Variants in PCDHGA1 observed in about 807,000 individuals in gnomAD.
PCDHGA1 encodes protocadherin gamma subfamily A, 1.
A neutral mutation model predicts 58.0 loss-of-function variants in PCDHGA1; 32 were observed. The ratio of observed to expected loss-of-function variants is 0.55; its 90% CI spans 0.42 to 0.74. The LOEUF (loss-of-function observed/expected upper bound fraction) is 0.74. Among genes scored for constraint, PCDHGA1 ranks in the 30% least tolerant of loss-of-function variants. PCDHGA1 has a pLI of 0.00. For missense variants in PCDHGA1, 1,205 were observed against 1,182.3 expected (o/e 1.02, Z -0.28); for synonymous variants, 498 against 501.1 (o/e 0.99, Z 0.08).
chr5:141,395,310 A>G (rs752171326), intron 1 of PCDHGA1: 7 of 1,502,410 alleles, frequency 4.7e-6, no homozygotes. Context: ...TTTGAAAAAC[A>G]TTGTGAAGAT....
At chr5:141,426,657 A>G (rs1369635444) in intron 1 of PCDHGA1, 2 of 425,278 alleles carry the variant, frequency 4.7e-6, no homozygotes, top group Non-Finnish European at 9.7e-6. Flanking sequence ...GATAGAAGAT[A>G]TAAATGATAA....
chr5:141,340,656 T>C (rs1235268977), intron 1 of PCDHGA1: 1 of 1,614,154 alleles, frequency 6.2e-7, no homozygotes, highest in African/African-American at 1.3e-5. Flanking sequence ...GCGCCCGAGA[T>C]CCTGTACCCT....
chr5:141,477,749 C>A lies in PCDHGA1; in HGVS notation c.2422-17058C>A, dbSNP rs2099417192. The A allele has an allele frequency of 6.2e-7, 1 of 1,613,786 alleles. No homozygotes were observed. Among genetic ancestry groups the A allele is most frequent in the African/African-American group, 1.3e-5 (1 of 74,928 alleles). ...AGCTCATATCAGCGATGGGGGCACCCCGGTCCTAGCCACCAACATCAGCGT... is the reference window on the plus strand; with the variant it reads ...AGCTCATATCAGCGATGGGGGCACCACGGTCCTAGCCACCAACATCAGCGT... On this transcript the variant is annotated intron_variant, in intron 1 of 3. Coordinates refer to ENST00000517417, the MANE Select transcript of PCDHGA1 (RefSeq NM_018912.3). This position sits in a 1 kb window ranked among gnomAD's most constrained non-coding sequence, Gnocchi z 4.9.
chr5:141,431,008 C>T lies in PCDHGA1; in HGVS notation c.2422-63799C>T. The T allele has an allele frequency of 6.2e-7, 1 of 1,614,118 alleles. No individual in the cohort carries two copies. The highest frequency in any genetic ancestry group is 1.1e-5 in the South Asian group (1 of 91,076). ...TCGCCCTGAATCCGCGCAGCGGCAG[C>T]TTGGTCACGGCGGGCAGGATAGACC... On this transcript the variant is annotated intron_variant, in intron 1 of 3. Transcript: ENST00000517417. This position sits in a 1 kb window ranked among gnomAD's most constrained non-coding sequence, Gnocchi z 4.8.
intron 1 of PCDHGA1, chr5:141,343,862 G>A: frequency 1.8e-6 from 1 of 563,896 alleles, no homozygotes. Context: ...CAAAGAACCA[G>A]CAAATCAGAC....
intron 1 of PCDHGA1, chr5:141,351,309 A>C: frequency 6.2e-7 from 1 of 1,613,942 alleles, no homozygotes; most frequent in Non-Finnish European, 8.5e-7. Context: ...TCCTTCTCTA[A>C]CCAGATTCCA....
chr5:141,392,962 A>G, intron 1 of PCDHGA1: 1 of 1,613,902 alleles, frequency 6.2e-7, no homozygotes, highest in Admixed American at 1.7e-5. Context: ...AATATCTCCA[A>G]GGACCTGGGG....
intron 1 of PCDHGA1, chr5:141,370,293 C>A: frequency 9.3e-7 from 1 of 1,074,278 alleles, no homozygotes; most frequent in Non-Finnish European, 1.3e-6. Flanking sequence ...AGAACCCAAG[C>A]ACAAAGACAA....
intron 1 of PCDHGA1, among the ~76,000 whole-genome samples, chr5:141,380,589 G>C (rs1372737584): frequency 6.6e-6 from 1 of 152,156 alleles, no homozygotes; most frequent in South Asian, 2.1e-4. Flanking sequence ...GTCTAGTAAA[G>C]ATCTTTAATA....
intron 1 of PCDHGA1, among the ~76,000 whole-genome samples, chr5:141,380,689 C>T (rs570719600): frequency 4.4e-4 from 67 of 152,288 alleles, no homozygotes; most frequent in South Asian, 2.9e-3. Flanking sequence ...GCTTTGTGTT[C>T]GGAGTAGTCT....
At chr5:141,427,164 C>T (rs1171285271) in intron 1 of PCDHGA1, 1 of 456,682 alleles carries the variant, frequency 2.2e-6, no homozygotes, top group Non-Finnish European at 4.4e-6. Context: ...TGTGCTAGAC[C>T]ATCAAAATGG....
At chr5:141,414,788 C>T in intron 1 of PCDHGA1, 1 of 1,614,222 alleles carries the variant, frequency 6.2e-7, no homozygotes, top group Non-Finnish European at 8.5e-7. Flanking sequence ...CAGGTGACAG[C>T]CAGCGACAGC....
intron 1 of PCDHGA1, chr5:141,414,230 C>G (rs367888906): frequency 6.2e-7 from 1 of 1,613,190 alleles, no homozygotes; most frequent in Non-Finnish European, 8.5e-7. Flanking sequence ...CCAGAGCTGA[C>G]CATCACGTCT....
intron 1 of PCDHGA1, chr5:141,356,824 C>T: frequency 6.2e-7 from 1 of 1,614,146 alleles, no homozygotes; most frequent in Non-Finnish European, 8.5e-7. Flanking sequence ...AGACCCTCCA[C>T]TCAGCAGCAA....
At chr5:141,415,041 G>C in intron 1 of PCDHGA1, 2 of 1,613,530 alleles carry the variant, frequency 1.2e-6, no homozygotes, top group Non-Finnish European at 1.7e-6. Context: ...GACTCTTCGC[G>C]GTGGGGGAGC....
chr5:141,372,645 T>G (rs1317150065), intron 1 of PCDHGA1: 2 of 1,613,914 alleles, frequency 1.2e-6, no homozygotes, highest in African/African-American at 2.7e-5. Context: ...TTTGCCTTAT[T>G]CCTACAATCC....
intron 1 of PCDHGA1, chr5:141,344,158 G>C (rs761148064): frequency 4.3e-6 from 7 of 1,613,912 alleles, no homozygotes; most frequent in Non-Finnish European, 5.1e-6. Flanking sequence ...CTAGATAAAG[G>C]TTCCTTCGTG....
At chr5:141,386,780 A>C (rs1209529195) in intron 1 of PCDHGA1, among the ~76,000 whole-genome samples, 3 of 152,202 alleles carry the variant, frequency 2.0e-5, no homozygotes. Flanking sequence ...TGTAAAAGAA[A>C]ATCTCCTGAC....
chr5:141,388,742 G>A (rs1340234849), intron 1 of PCDHGA1: 12 of 1,614,004 alleles, frequency 7.4e-6, no homozygotes, highest in Non-Finnish European at 1.0e-5. Flanking sequence ...AAGCTAGCCA[G>A]ATCACCCAAT....
Sources: allele counts gnomAD v4.1 joint callset (sites outside exome capture counted in the v4.1 genomes callset), GRCh38; gene constraint gnomAD v4.1.1; non-coding constraint Gnocchi (gnomAD v3.1); transcripts MANE v1.5; gene names NCBI Gene and HGNC (gene_info 2026-07-23, HGNC 2026-07-21).